INPP5D: variants seen among roughly 807,000 people sequenced by gnomAD.
INPP5D encodes phosphatidylinositol 3,4,5-trisphosphate 5-phosphatase 1.
INPP5D carries 33 observed loss-of-function variants against 122.9 expected under a neutral mutation model. That is an observed-to-expected ratio of 0.27 (90% CI 0.20 to 0.36). The LOEUF (loss-of-function observed/expected upper bound fraction) is 0.36. INPP5D is among the 10% of genes least tolerant of loss of function. The pLI is 1.00. For missense variants in INPP5D, 1,053 were observed against 1,412.7 expected (o/e 0.75, Z 4.08); for synonymous variants, 584 against 576.2 (o/e 1.01, Z -0.19).
intron 5 of INPP5D, among the ~76,000 whole-genome samples, chr2:233,137,805 C>A (rs1316737352): frequency 9.1e-6 from 1 of 110,326 alleles, no homozygotes; most frequent in Non-Finnish European, 1.8e-5. Context: ...GCACTCCAGC[C>A]TGGGCAACAA....
rs761594813 is a variant in INPP5D at position 233,082,963 on chromosome 2, A to G, written c.198+3565A>G. 2.6e-5 allele frequency among the ~76,000 whole-genome samples: 4 copies of G among 152,208 alleles called. No individual in the cohort carries two copies. Among genetic ancestry groups the G allele is most frequent in the Admixed American group, 6.5e-5 (1 of 15,278 alleles). The stretch of plus-strand genomic sequence containing the variant: ...GGACTCTGCCCAGAGGGACAGGGAG[A>G]CAGGGCAATGTGGCCTCTCAGAGAG... On this transcript the variant is annotated intron_variant, in intron 2 of 26. Coordinates refer to ENST00000445964, the MANE Select transcript of INPP5D (RefSeq NM_001017915.3). The surrounding 1 kb of genome is among the most constrained non-coding windows in gnomAD (Gnocchi z 4.7).
intron 2 of INPP5D, among the ~76,000 whole-genome samples, chr2:233,107,504 G>A (rs1252164415): frequency 6.6e-6 from 1 of 152,198 alleles, no homozygotes; most frequent in Non-Finnish European, 1.5e-5. Flanking sequence ...AGAGAAAGGG[G>A]TGATTTAGAA....
At chr2:233,155,933 AC>A (rs1192309693) in intron 9 of INPP5D, among the ~76,000 whole-genome samples, 1 of 151,962 alleles carries the variant, frequency 6.6e-6, no homozygotes, top group East Asian at 1.9e-4. Flanking sequence ...CCACAAGACC[AC>A]CCCCAGGTTC....
chr2:233,154,841 TCCTTCG>T (rs1255232663), intron 9 of INPP5D, among the ~76,000 whole-genome samples: 1 of 152,220 alleles, frequency 6.6e-6, no homozygotes. Context: ...TGTTAAGAAT[TCCTTCG>T]CCTAGGCAAA....
chr2:233,098,598 GA>G (rs1175032357), intron 2 of INPP5D, among the ~76,000 whole-genome samples: 1 of 152,160 alleles, frequency 6.6e-6, no homozygotes, highest in East Asian at 1.9e-4. Flanking sequence ...TCAACTGTTT[GA>G]AAAACCAGGC....
At position 233,125,861 on chromosome 2, in the gene INPP5D, A is replaced by G. The variant is rs1258204818; in HGVS notation, c.466A>G (p.Ser156Gly). The change falls in exon 4 of 27, where the codon AGC becomes GGC. Residue 156 changes from serine (S) to glycine (G), a missense_variant. Physicochemically the swap from Ser to Gly is moderately conservative, Grantham distance 56. Coordinates refer to ENST00000445964, the MANE Select transcript of INPP5D (RefSeq NM_001017915.3). ...SNENPRATET[S>G]RPSLSETLFQ... is the part of the protein sequence containing the mutation. Reference sequence around the variant, plus strand: ...CGAGAATCCCCGAGCGACCGAGACCAGCCGGCCGAGCCTCTCCGAGACATT... The same window carrying G: ...CGAGAATCCCCGAGCGACCGAGACCGGCCGGCCGAGCCTCTCCGAGACATT... The G allele has an allele frequency of 6.2e-7, 1 of 1,613,550 alleles. No homozygotes were observed. Among genetic ancestry groups the G allele is most frequent in the Non-Finnish European group, 8.5e-7 (1 of 1,179,804 alleles).
chr2:233,119,001 T>C (rs948211404), intron 2 of INPP5D, among the ~76,000 whole-genome samples: 1 of 152,258 alleles, frequency 6.6e-6, no homozygotes, highest in Non-Finnish European at 1.5e-5. Flanking sequence ...GCTCTGTTCC[T>C]AGTACACAGC....
At chr2:233,062,527 C>T (rs916217689) in intron 1 of INPP5D, among the ~76,000 whole-genome samples, 5 of 152,242 alleles carry the variant, frequency 3.3e-5, no homozygotes, top group Non-Finnish European at 5.9e-5. Context: ...TCTACCTCTT[C>T]TCTCTGAACC....
At chr2:233,145,771 A>G (rs965290506) in intron 6 of INPP5D, among the ~76,000 whole-genome samples, 21 of 151,908 alleles carry the variant, frequency 1.4e-4, no homozygotes, top group African/African-American at 4.6e-4. Context: ...CTACGTGGAG[A>G]AGAACTGTAC....
At chr2:233,155,998 G>A (rs1694043402) in intron 9 of INPP5D, among the ~76,000 whole-genome samples, 1 of 152,252 alleles carries the variant, frequency 6.6e-6, no homozygotes, top group African/African-American at 2.4e-5. Context: ...ATTCCCAGCT[G>A]TGATTTATTA....
In INPP5D at chr2:233,198,311, A is replaced by G; in HGVS notation, c.2910A>G (p.Ile970Met). 11 of 1,613,626 alleles carry G rather than the reference A, an allele frequency of 6.8e-6. No individual in the cohort carries two copies. Among genetic ancestry groups the G allele is most frequent in the Non-Finnish European group, 9.3e-6 (11 of 1,179,886 alleles). Residue 970 changes from isoleucine (I) to methionine (M), a missense_variant, in exon 25 of 27, where the codon ATA becomes ATG. Physicochemically the swap from Ile to Met is conservative, Grantham distance 10. Transcript: ENST00000445964. The part of the protein sequence containing the change: ...SPPTPPGQPP[I>M]SPKKFLPSTA... Reference sequence around the variant, plus strand: ...CGACACCTCCCGGCCAGCCGCCCATATCACCCAAGAAGTTTTTACCCTCAA... The same window carrying G: ...CGACACCTCCCGGCCAGCCGCCCATGTCACCCAAGAAGTTTTTACCCTCAA...
chr2:233,078,889 GC>G lies in INPP5D; in HGVS notation c.135-444del, dbSNP rs1386787173. Among the ~76,000 whole-genome samples, 1 of 151,984 alleles carries G rather than the reference GC, an allele frequency of 6.6e-6. No individual in the cohort carries two copies. The highest frequency in any genetic ancestry group is 2.4e-5 in the African/African-American group (1 of 41,398). ...GTAGAGATGGGATTTCACCATGTTG[GC>G]CAGGATGGTCTCAATCTCTTGACCT... On this transcript the variant is annotated intron_variant, in intron 1 of 26. Coordinates refer to ENST00000445964, the MANE Select transcript of INPP5D (RefSeq NM_001017915.3). The surrounding 1 kb of genome is among the most constrained non-coding windows in gnomAD (Gnocchi z 4.6).
rs767720947 is a variant in INPP5D, at chr2:233,189,832, G to A, written c.2359-18G>A. On this transcript the variant is annotated intron_variant, in intron 21 of 26. Transcript: ENST00000445964. This position sits in a 1 kb window ranked among gnomAD's most constrained non-coding sequence, Gnocchi z 5.6. ...TCCCTTGCCCATCAACTCCAGTCCT[G>A]TGCCCTTCTCTCTGCAGCTGAAGCC... 6.2e-7 allele frequency: 1 copy of A among 1,612,004 alleles called. No individual in the cohort carries two copies. The highest frequency in any genetic ancestry group is 2.2e-5 in the East Asian group (1 of 44,824).
chr2:233,072,629 C>T (rs1163040968), intron 1 of INPP5D, among the ~76,000 whole-genome samples: 1 of 152,150 alleles, frequency 6.6e-6, no homozygotes, highest in East Asian at 1.9e-4. Context: ...ATATTTACTT[C>T]AATTTATTCT....
chr2:233,070,074 G>A (rs920362813), intron 1 of INPP5D, among the ~76,000 whole-genome samples: 3 of 152,172 alleles, frequency 2.0e-5, no homozygotes, highest in Non-Finnish European at 4.4e-5. Flanking sequence ...TTGTGGTCAC[G>A]TTGAGCTTAT....
intron 2 of INPP5D, among the ~76,000 whole-genome samples, chr2:233,095,330 C>T (rs1277421808): frequency 1.3e-5 from 2 of 152,178 alleles, no homozygotes; most frequent in African/African-American, 2.4e-5. Flanking sequence ...TCTTAAACTT[C>T]TGGGCTTGGC....
At chr2:233,086,335 T>C (rs911549240) in intron 2 of INPP5D, among the ~76,000 whole-genome samples, 1 of 151,928 alleles carries the variant, frequency 6.6e-6, no homozygotes, top group Non-Finnish European at 1.5e-5. Flanking sequence ...CCTGCCACCA[T>C]GCCGGGCTAA....
At chr2:233,064,063 C>T (rs1691145957) in intron 1 of INPP5D, among the ~76,000 whole-genome samples, 1 of 152,274 alleles carries the variant, frequency 6.6e-6, no homozygotes, top group Non-Finnish European at 1.5e-5. Context: ...AGCCGGCATC[C>T]CCTTGTGCAA....
At chr2:233,126,153 GC>G (rs1693151365) in intron 4 of INPP5D, among the ~76,000 whole-genome samples, 1 of 152,248 alleles carries the variant, frequency 6.6e-6, no homozygotes, top group South Asian at 2.1e-4. Context: ...GGGTGGGGGA[GC>G]ACTCCGTCTC....
Sources: allele counts gnomAD v4.1 joint callset (sites outside exome capture counted in the v4.1 genomes callset), GRCh38; gene constraint gnomAD v4.1.1; non-coding constraint Gnocchi (gnomAD v3.1); transcripts MANE v1.5; gene names NCBI Gene and HGNC (gene_info 2026-07-23, HGNC 2026-07-21).